GALNS: variants seen among roughly 807,000 people sequenced by gnomAD.
GALNS encodes galactosamine (N-acetyl)-6-sulfatase.
In GALNS, 65 loss-of-function variants were observed where a neutral mutation model predicts 65.9. The observed-to-expected ratio is 0.99, with a 90% confidence interval of 0.81 to 1.21. The LOEUF (loss-of-function observed/expected upper bound fraction) is 1.21, where lower values mean the gene tolerates loss of function less well. Ranked by LOEUF, GALNS falls within the 50% of genes most tolerant of loss-of-function variation. GALNS has a pLI of 0.00. For synonymous variants in GALNS, 346 were observed against 288.9 expected, an observed-to-expected ratio of 1.20 and a Z score of -2.00; for missense variants, 776 against 700.7, an observed-to-expected ratio of 1.11 and a Z score of -1.21.
In GALNS at chr16:88,814,979, T is replaced by C. The variant is rs548392708; in HGVS notation, c.1483-454A>G. 3.0e-5 allele frequency: 28 copies of C among 947,856 alleles called. No individual in the cohort carries two copies. The South Asian group carries it at 1.0e-3, about 35-fold the overall frequency. 58.7% of individuals were successfully genotyped at this position (947,856 alleles called of 1,614,324 possible). ...AACTTCTGACCTCAGGTGATCCACCTGCCTTGGCCTCCCAAAGTGCTGGGA... is the reference window on the plus strand; with the variant it reads ...AACTTCTGACCTCAGGTGATCCACCCGCCTTGGCCTCCCAAAGTGCTGGGA... On this transcript the variant is annotated intron_variant, in intron 13 of 13. Transcript: ENST00000268695.
chr16:88,827,459 T>G (rs1258654147), intron 9 of GALNS, among the ~76,000 whole-genome samples: 1 of 152,160 alleles, frequency 6.6e-6, no homozygotes, highest in African/African-American at 2.4e-5. Flanking sequence ...TTGTTTTTGT[T>G]TTTTGAGATG....
chr16:88,847,004 G>A (rs933158683), intron 1 of GALNS, among the ~76,000 whole-genome samples: 8 of 152,122 alleles, frequency 5.3e-5, no homozygotes, highest in Non-Finnish European at 7.4e-5. Flanking sequence ...ACACCTGGAC[G>A]GCAGGGAGGG....
intron 1 of GALNS, among the ~76,000 whole-genome samples, chr16:88,854,185 G>A (rs1312489350): frequency 1.3e-5 from 2 of 152,228 alleles, no homozygotes; most frequent in Non-Finnish European, 2.9e-5. Context: ...GCCCAGAGCT[G>A]TGGGTCATCA....
At chr16:88,854,320 A>G (rs892579701) in intron 1 of GALNS, among the ~76,000 whole-genome samples, 1 of 152,080 alleles carries the variant, frequency 6.6e-6, no homozygotes, top group African/African-American at 2.4e-5. Flanking sequence ...GAAGCCCCGG[A>G]CTCCAAGGAG....
rs114846825 is a variant in GALNS at position 88,818,688 on chromosome 16, G to A, written c.1365-564C>T. Among the ~76,000 whole-genome samples the A allele has an allele frequency of 4.0e-3, 607 of 152,352 alleles. 3 individuals carry two copies. The highest frequency in any genetic ancestry group is 0.014 in the African/African-American group (577 of 41,592). On this transcript the variant is annotated intron_variant, in intron 12 of 13. Transcript: ENST00000268695. Reference sequence around the variant, plus strand: ...TCGCGATGTCAGGGCCGCAGTTTGCGATGCTGTGAATCTTGGGTCCACGGC... The same window carrying A: ...TCGCGATGTCAGGGCCGCAGTTTGCAATGCTGTGAATCTTGGGTCCACGGC...
intron 8 of GALNS, among the ~76,000 whole-genome samples, chr16:88,834,066 C>A (rs1911808271): frequency 6.6e-6 from 1 of 152,148 alleles, no homozygotes; most frequent in East Asian, 1.9e-4. Flanking sequence ...GCCCTCCACA[C>A]ATGGGTCTGT....
At chr16:88,836,966 C>T (rs1250557627) in intron 5 of GALNS, among the ~76,000 whole-genome samples, 1 of 152,246 alleles carries the variant, frequency 6.6e-6, no homozygotes, top group African/African-American at 2.4e-5. Context: ...CAGAACTGCA[C>T]ACTTCAAATG....
intron 1 of GALNS, among the ~76,000 whole-genome samples, chr16:88,850,743 G>C (rs1038737975): frequency 6.6e-6 from 1 of 152,248 alleles, no homozygotes; most frequent in Non-Finnish European, 1.5e-5. Context: ...GCGAGCACAG[G>C]TGCGGGATGC....
chr16:88,821,168 C>A (rs1316873849), intron 12 of GALNS, among the ~76,000 whole-genome samples: 2 of 131,272 alleles, frequency 1.5e-5, no homozygotes, highest in African/African-American at 5.8e-5. Context: ...ATGCCCCTCA[C>A]TTTTCCAGAG....
intron 13 of GALNS, chr16:88,815,227 T>A (rs550269): frequency 2.0e-6 from 2 of 985,270 alleles, no homozygotes; most frequent in African/African-American, 3.5e-5. Flanking sequence ...GAGAACTTGG[T>A]GGGGAGGTCC....
chr16:88,826,549 T>A (rs1910941730), intron 10 of GALNS, among the ~76,000 whole-genome samples, 153 bp downstream of exon 10: 1 of 152,156 alleles, frequency 6.6e-6, no homozygotes, highest in Admixed American at 6.5e-5. Flanking sequence ...GGTCCTCTCG[T>A]CTCAGGCACC....
intron 11 of GALNS, 34 bp from the exon 12 acceptor site, chr16:88,822,744 C>T (rs1389650648): frequency 6.2e-7 from 1 of 1,607,322 alleles, no homozygotes; most frequent in African/African-American, 1.3e-5. Flanking sequence ...TGTCCTGGAG[C>T]CCCTGACCTG....
intron 1 of GALNS, chr16:88,855,209 T>G: frequency 2.9e-6 from 2 of 693,588 alleles, no homozygotes; most frequent in Non-Finnish European, 5.3e-6. Flanking sequence ...AAATTATTCA[T>G]GAGCTGCCCC....
intron 9 of GALNS, among the ~76,000 whole-genome samples, chr16:88,830,539 T>C (rs1374258388): frequency 2.0e-5 from 3 of 152,234 alleles, no homozygotes; most frequent in South Asian, 2.1e-4. Flanking sequence ...CTGGAGGCCA[T>C]TGGGAGGGCA....
At chr16:88,822,420 C>A (rs1910325538) in intron 12 of GALNS, among the ~76,000 whole-genome samples, 169 bp downstream of exon 12, 2 of 152,122 alleles carry the variant, frequency 1.3e-5, no homozygotes, top group Non-Finnish European at 2.9e-5. Flanking sequence ...AGCAGGCACC[C>A]TGGGAGGAGG....
Position 88,817,993 on chromosome 16 carries a change from C to T in GALNS, c.1482+14G>A. On this transcript the variant is annotated intron_variant, in intron 13 of 13. Transcript: ENST00000268695. ...CCCGGCAAAGAGACGGCCGCCCACA[C>T]ACCAGCCACTTACCATGACCGCCCA... is the stretch of plus-strand genomic sequence containing the variant. 1.9e-6 allele frequency: 3 copies of T among 1,566,544 alleles called. No homozygotes were observed. The highest frequency in any genetic ancestry group is 2.4e-5 in the East Asian group (1 of 42,482).
At chr16:88,836,680 G>C (rs972650316) in intron 5 of GALNS, among the ~76,000 whole-genome samples, 10 of 152,156 alleles carry the variant, frequency 6.6e-5, no homozygotes, top group African/African-American at 2.4e-4. Context: ...AGGAAGCCTG[G>C]AAATGAAATG....
At chr16:88,827,355 G>A (rs1019491254) in intron 9 of GALNS, among the ~76,000 whole-genome samples, 1 of 152,214 alleles carries the variant, frequency 6.6e-6, no homozygotes, top group Non-Finnish European at 1.5e-5. Context: ...TTCCCGCCGT[G>A]CCTTGACCTC....
chr16:88,854,980 C>G, intron 1 of GALNS: 1 of 335,930 alleles, frequency 3.0e-6, no homozygotes, highest in South Asian at 2.3e-5. Context: ...CTTCCTGTCA[C>G]CCTCCCCCAC....
Sources: allele counts gnomAD v4.1 joint callset (sites outside exome capture counted in the v4.1 genomes callset), GRCh38; gene constraint gnomAD v4.1.1; transcripts MANE v1.5; gene names NCBI Gene and HGNC (gene_info 2026-07-23, HGNC 2026-07-21).